Variants in TUBB8 observed in about 807,000 individuals in gnomAD.
TUBB8 encodes tubulin beta-8 chain.
A neutral mutation model predicts 33.7 loss-of-function variants in TUBB8; 25 were observed. The observed-to-expected ratio is 0.74, with a 90% CI of 0.54 to 1.04. The LOEUF is 1.04. Among genes scored for constraint, TUBB8 ranks in the 50% least tolerant of loss-of-function variants. The probability of loss-of-function intolerance (pLI) is 0.00; values close to 1 mark genes in which losing one functional copy is unlikely to be tolerated. For synonymous variants in TUBB8, 245 were observed against 240.1 expected (o/e 1.02, Z -0.19); for missense variants, 279 against 608.0 (o/e 0.46, Z 5.69).
intron 1 of TUBB8, among the ~76,000 whole-genome samples, chr10:71,155 C>T (rs1406874949): frequency 6.6e-6 from 1 of 151,832 alleles, no homozygotes; most frequent in Non-Finnish European, 1.5e-5. Context: ...CTACTAAAAA[C>T]ACACAAAAAA....
At chr10:53,989 C>T (rs1313062330), upstream of TUBB8, among the ~76,000 whole-genome samples, 1,868 of 118,726 alleles carry the variant, frequency 0.016, no homozygotes, top group African/African-American at 0.037. Context: ...CAGTAATACA[C>T]AATAAAAAAC....
chr10:75,938 AG>A (rs1750230910), upstream of TUBB8, among the ~76,000 whole-genome samples: 1 of 151,938 alleles, frequency 6.6e-6, no homozygotes, highest in Non-Finnish European at 1.5e-5. Flanking sequence ...CAGGAGTTCG[AG>A]ACCAGCCTGG....
intron 1 of TUBB8, among the ~76,000 whole-genome samples, chr10:66,633 G>A (rs76946244): frequency 0.12 from 13,534 of 110,658 alleles, no homozygotes; most frequent in African/African-American, 0.25. Flanking sequence ...TGGCCAACAG[G>A]GCAAAACCAT....
intron 1 of TUBB8, among the ~76,000 whole-genome samples, chr10:61,998 ATT>A (rs202027144): frequency 7.3e-5 from 11 of 151,230 alleles, no homozygotes; most frequent in South Asian, 2.1e-4. Flanking sequence ...TAGGTAAAGT[ATT>A]TTTTTTTTGT....
Position 48,537 on chromosome 10 carries a change from A to G in TUBB8, c.277+78T>C, listed in dbSNP as rs781909296. On this transcript the variant is annotated intron_variant, in intron 3 of 3. Transcript: ENST00000568584. ...GGGGCCCTAGCTCCACAGTTCCCAG[A>G]GGATGACCTTAGCACACTCCTGGAT... 4.3e-6 allele frequency: 6 copies of G among 1,383,822 alleles called. No homozygotes were observed. The African/African-American group carries it at 5.7e-5, about 13-fold the overall frequency. The allele number at this position is 1,383,822 out of a possible 1,614,324, so 85.7% of individuals were successfully genotyped here. A position where few individuals can be genotyped will look rare whatever the true frequency, so the allele number is the denominator to read the frequency against.
chr10:73,703 A>C (rs1834767885), intron 1 of TUBB8, among the ~76,000 whole-genome samples: 1 of 151,758 alleles, frequency 6.6e-6, no homozygotes, highest in African/African-American at 2.4e-5. Context: ...CCTCGACCTC[A>C]GGCTGTGGCG....
intron 1 of TUBB8, among the ~76,000 whole-genome samples, chr10:69,142 A>G (rs1554742008): frequency 6.6e-6 from 1 of 152,184 alleles, no homozygotes; most frequent in East Asian, 1.9e-4. Context: ...CTCTGATTCA[A>G]CTTTTACAAT....
chr10:54,848 T>C (rs553158098), intron 1 of TUBB8, among the ~76,000 whole-genome samples: 2 of 152,306 alleles, frequency 1.3e-5, no homozygotes, highest in Non-Finnish European at 2.9e-5. Context: ...AACCTCCACC[T>C]CCTGGGTTCA....
At chr10:57,373 T>C (rs1487051371) in intron 1 of TUBB8, among the ~76,000 whole-genome samples, 1 of 152,248 alleles carries the variant, frequency 6.6e-6, no homozygotes, top group African/African-American at 2.4e-5. Flanking sequence ...ATGGGGACTG[T>C]AACTCTACAT....
chr10:55,615 T>G (rs1464431882), intron 1 of TUBB8, among the ~76,000 whole-genome samples: 1 of 152,240 alleles, frequency 6.6e-6, no homozygotes, highest in Admixed American at 6.5e-5. Flanking sequence ...TTTTGATAGT[T>G]TGAGGTGTTA....
intron 1 of TUBB8, among the ~76,000 whole-genome samples, chr10:65,835 A>C (rs1360289043): frequency 6.6e-6 from 1 of 152,278 alleles, no homozygotes; most frequent in East Asian, 1.9e-4. Context: ...CTTTTCTCAG[A>C]AAATCAAGCT....
chr10:51,593 C>T (rs781952876), upstream of TUBB8, among the ~76,000 whole-genome samples: 1 of 152,190 alleles, frequency 6.6e-6, no homozygotes, highest in Non-Finnish European at 1.5e-5. Flanking sequence ...CAGACTAATA[C>T]AGCCTGTATG....
intron 1 of TUBB8, among the ~76,000 whole-genome samples, chr10:68,343 T>C (rs1442892812): frequency 1.3e-5 from 2 of 152,152 alleles, no homozygotes; most frequent in Admixed American, 6.6e-5. Flanking sequence ...CCTGCAATAC[T>C]GATATGATGC....
At chr10:49,737 A>G, upstream of TUBB8, 1 of 373,640 alleles carries the variant, frequency 2.7e-6, no homozygotes, top group Non-Finnish European at 5.3e-6. Flanking sequence ...ACTTTGGAGC[A>G]GTTCTAACCC....
intron 1 of TUBB8, among the ~76,000 whole-genome samples, chr10:60,707 C>T (rs556536843): frequency 5.7e-4 from 86 of 152,174 alleles, no homozygotes; most frequent in African/African-American, 2.0e-3. Context: ...ACCATTTGAC[C>T]CAGCCATCCC....
intron 1 of TUBB8, among the ~76,000 whole-genome samples, chr10:60,461 A>G (rs1280938847): frequency 8.5e-4 from 130 of 152,218 alleles, no homozygotes; most frequent in Non-Finnish European, 1.8e-3. Flanking sequence ...ATGCAGCCAA[A>G]AAACACATGA....
At chr10:52,796 T>C (rs1296412056), upstream of TUBB8, among the ~76,000 whole-genome samples, 2 of 152,350 alleles carry the variant, frequency 1.3e-5, no homozygotes, top group East Asian at 3.9e-4. Flanking sequence ...AGACCATAGG[T>C]ATTAACCTTC....
chr10:53,877 T>TC (rs1305350977), upstream of TUBB8, among the ~76,000 whole-genome samples: 2 of 152,306 alleles, frequency 1.3e-5, no homozygotes, highest in African/African-American at 4.8e-5. Context: ...TAGACTCTCC[T>TC]CCTTTTGGTT....
intron 1 of TUBB8, among the ~76,000 whole-genome samples, chr10:62,800 T>A (rs1554741076): frequency 6.6e-6 from 1 of 152,248 alleles, no homozygotes; most frequent in East Asian, 1.9e-4. Context: ...TCAGCTTTTC[T>A]AATATGTCAT....
Sources: gnomAD v4.1 joint callset for allele counts (sites outside exome capture counted in the v4.1 genomes callset) on GRCh38, gnomAD v4.1.1 for gene constraint, MANE v1.5 for transcripts, NCBI Gene and HGNC (gene_info 2026-07-23, HGNC 2026-07-21) for gene names.